MEGF11: variants seen among roughly 807,000 people sequenced by gnomAD.
MEGF11 encodes the protein multiple epidermal growth factor-like domains protein 11.
MEGF11 carries 126 observed loss-of-function variants against 146.6 expected under a neutral mutation model. The observed-to-expected ratio is 0.86, with a 90% CI of 0.74 to 1.00. The LOEUF (loss-of-function observed/expected upper bound fraction) is 1.00, where lower values mean the gene tolerates loss of function less well. MEGF11 is among the 50% of genes least tolerant of loss of function. The pLI is 0.00. For synonymous variants in MEGF11, 532 were observed against 583.4 expected (o/e 0.91, Z 1.27); for missense variants, 1,509 against 1,521.2 (o/e 0.99, Z 0.13).
At chr15:65,912,419 A>G in intron 20 of MEGF11, 1 of 349,780 alleles carries the variant, frequency 2.9e-6, no homozygotes. Flanking sequence ...CAGCATGCAG[A>G]ATGCAGGATA....
intron 18 of MEGF11, 87 bp downstream of exon 18, chr15:65,916,061 G>A (rs1330075800): frequency 6.9e-7 from 1 of 1,447,964 alleles, no homozygotes; most frequent in Non-Finnish European, 9.2e-7. Context: ...AGAGCCCTGA[G>A]TGAGTGGACC....
intron 5 of MEGF11, among the ~76,000 whole-genome samples, chr15:66,030,630 G>A (rs927036539): frequency 4.6e-5 from 7 of 152,116 alleles, no homozygotes; most frequent in East Asian, 3.9e-4. Context: ...GGCTGGTCTC[G>A]AACTCCTGAC....
chr15:66,152,172 T>A (rs139191673), intron 1 of MEGF11, among the ~76,000 whole-genome samples: 1 of 152,130 alleles, frequency 6.6e-6, no homozygotes, highest in East Asian at 1.9e-4. Context: ...CATGGGCCTG[T>A]CACCAGGGAT....
At chr15:66,014,931 A>G (rs374078460) in intron 5 of MEGF11, among the ~76,000 whole-genome samples, 21 of 151,538 alleles carry the variant, frequency 1.4e-4, no homozygotes, top group African/African-American at 5.1e-4. Flanking sequence ...CTAGTCAGGG[A>G]TGTGCTTGTA....
At chr15:65,965,541 T>C (rs2081036406) in intron 8 of MEGF11, among the ~76,000 whole-genome samples, 1 of 149,590 alleles carries the variant, frequency 6.7e-6, no homozygotes, top group Non-Finnish European at 1.5e-5. Flanking sequence ...AGTGCTTTCA[T>C]AAAAGGGGCT....
At chr15:65,953,406 A>G (rs918740841) in intron 10 of MEGF11, among the ~76,000 whole-genome samples, 1 of 152,086 alleles carries the variant, frequency 6.6e-6, no homozygotes, top group African/African-American at 2.4e-5. Context: ...CTAATATGAG[A>G]GTTCAGTGTC....
At position 65,982,307 on chromosome 15, in the gene MEGF11, T is replaced by G. The variant is rs890011028; in HGVS notation, c.576A>C (p.Arg192=). The G allele has an allele frequency of 6.5e-7, 1 of 1,538,272 alleles. No homozygotes were observed. Among genetic ancestry groups the G allele is most frequent in the African/African-American group, 1.4e-5 (1 of 72,784 alleles). The change falls in exon 6 of 26, where the codon CGA becomes CGC. Residue 192 remains arginine, a synonymous_variant. Transcript: ENST00000395614. This position sits in a 1 kb window ranked among gnomAD's most constrained non-coding sequence, Gnocchi z 5.6. ...CGCGGGGGTCGCAGCTGGCACCGTG[T>G]CGGCACTGGCACGGCAGCTGGCATC... The part of the protein sequence containing the change: ...GKGCQLPCQC[R]HGASCDPRAG...
In MEGF11 at chr15:66,202,886, C is replaced by T. The variant is rs181206395; in HGVS notation, c.-9+50719G>A. Among the ~76,000 whole-genome samples, 4 of 152,324 alleles carry T rather than the reference C, an allele frequency of 2.6e-5. No individual in the cohort carries two copies. The East Asian group carries it at 5.8e-4, about 22-fold the overall frequency. On this transcript the variant is annotated intron_variant, in intron 1 of 25. Transcript: ENST00000395614. Reference sequence around the variant, plus strand: ...GTATGAACCATGTCAGGAAAAGACGCCACTTATTTCAGCCGTGCTGACCTG... The same window carrying T: ...GTATGAACCATGTCAGGAAAAGACGTCACTTATTTCAGCCGTGCTGACCTG...
chr15:66,040,513 G>C (rs1007997448), intron 5 of MEGF11, among the ~76,000 whole-genome samples: 4 of 145,688 alleles, frequency 2.7e-5, no homozygotes, highest in Non-Finnish European at 5.9e-5. Context: ...ATTTCACAGC[G>C]ATACGTTCTC....
intron 1 of MEGF11, among the ~76,000 whole-genome samples, chr15:66,183,754 C>A (rs1013674919): frequency 2.6e-5 from 4 of 152,046 alleles, no homozygotes; most frequent in Non-Finnish European, 5.9e-5. Context: ...GATTCTGAGT[C>A]AGGAGGGCTG....
chr15:65,939,178 C>T (rs969846884), intron 10 of MEGF11, among the ~76,000 whole-genome samples: 1 of 152,164 alleles, frequency 6.6e-6, no homozygotes, highest in Admixed American at 6.5e-5. Flanking sequence ...GTGGCATGAG[C>T]CTGCCAGCCT....
intron 5 of MEGF11, among the ~76,000 whole-genome samples, chr15:66,053,754 G>T (rs2084560277): frequency 8.7e-6 from 1 of 114,348 alleles, no homozygotes; most frequent in Non-Finnish European, 1.7e-5. Context: ...TTGAGACAAG[G>T]TCTCACTCTG....
intron 1 of MEGF11, among the ~76,000 whole-genome samples, chr15:66,252,215 G>T (rs1368256081): frequency 1.4e-5 from 2 of 146,270 alleles, no homozygotes; most frequent in African/African-American, 4.9e-5. Context: ...GCCGCGAGCC[G>T]CACCCCCCGC....
chr15:66,179,605 C>A (rs563118685), intron 1 of MEGF11, among the ~76,000 whole-genome samples: 52 of 152,214 alleles, frequency 3.4e-4, no homozygotes, highest in African/African-American at 1.2e-3. Flanking sequence ...GAACAGCATG[C>A]GAGAATGTAG....
intron 10 of MEGF11, among the ~76,000 whole-genome samples, chr15:65,948,624 C>A (rs1411632439): frequency 6.6e-6 from 1 of 152,176 alleles, no homozygotes; most frequent in Non-Finnish European, 1.5e-5. Context: ...ACATAATAAA[C>A]CCTGACAAAC....
chr15:65,903,565 CAGTGCTGTGACCTGGTCAGCACCAT>C (rs1434451889), intron 24 of MEGF11, among the ~76,000 whole-genome samples: 5 of 152,224 alleles, frequency 3.3e-5, no homozygotes, highest in Non-Finnish European at 7.3e-5. Flanking sequence ...ACCCAGAAAA[CAGTGCTGTGACCTGGTCAGCACCAT>C]ACAGCAAGAA....
chr15:66,133,472 C>T, intron 1 of MEGF11, among the ~76,000 whole-genome samples: 1 of 152,248 alleles, frequency 6.6e-6, no homozygotes, highest in East Asian at 1.9e-4. Context: ...AAGATACACA[C>T]ACACTTCTCT....
chr15:65,993,730 A>G (rs1443599398), intron 5 of MEGF11, among the ~76,000 whole-genome samples: 2 of 152,182 alleles, frequency 1.3e-5, no homozygotes, highest in Non-Finnish European at 2.9e-5. Flanking sequence ...AGGGAAATGA[A>G]TTCACAGTCG....
intron 10 of MEGF11, among the ~76,000 whole-genome samples, chr15:65,934,902 C>G (rs2079713082): frequency 6.6e-6 from 1 of 152,194 alleles, no homozygotes; most frequent in African/African-American, 2.4e-5. Flanking sequence ...TCATCCATAT[C>G]CTTTGTAATA....
Sources: gnomAD v4.1 joint callset for allele counts (sites outside exome capture counted in the v4.1 genomes callset) on GRCh38, gnomAD v4.1.1 for gene constraint, Gnocchi (gnomAD v3.1) non-coding constraint, MANE v1.5 for transcripts, NCBI Gene and HGNC (gene_info 2026-07-23, HGNC 2026-07-21) for gene names.